The following CSMD3 variants were observed in gnomAD, a reference collection of about 807,000 sequenced individuals.
CSMD3 encodes CUB and sushi domain-containing protein 3.
Under a neutral mutation model 435.2 loss-of-function variants are expected in CSMD3, and 177 were observed. The ratio of observed to expected loss-of-function variants is 0.41; its 90% CI spans 0.36 to 0.46. The LOEUF is 0.46. Among genes scored for constraint, CSMD3 ranks in the 20% least tolerant of loss-of-function variants. The pLI, the probability that CSMD3 is intolerant of heterozygous loss-of-function variation, is 0.34. For synonymous variants in CSMD3, 1,656 were observed against 1,520.5 expected (o/e 1.09, Z -2.07); for missense variants, 4,265 against 4,504.6 (o/e 0.95, Z 1.52).
intron 3 of CSMD3, among the ~76,000 whole-genome samples, chr8:113,231,910 T>C (rs1426174098): frequency 2.0e-5 from 3 of 151,586 alleles, no homozygotes; most frequent in Non-Finnish European, 3.0e-5. Flanking sequence ...TTTACAAATA[T>C]GCATTTTAAG....
chr8:112,485,892 G>A (rs1820076153), intron 31 of CSMD3, among the ~76,000 whole-genome samples: 1 of 151,186 alleles, frequency 6.6e-6, no homozygotes, highest in Admixed American at 6.6e-5. Context: ...TTGTGTTTAG[G>A]CACTTTTGAC....
intron 61 of CSMD3, chr8:112,256,066 C>T (rs1409098667): frequency 6.6e-6 from 1 of 152,174 alleles, no homozygotes; most frequent in Non-Finnish European, 1.5e-5. Context: ...GAAAGATCAA[C>T]GTGACAGGCT....
chr8:113,210,484 C>G (rs2092821333), intron 3 of CSMD3, among the ~76,000 whole-genome samples: 1 of 152,038 alleles, frequency 6.6e-6, no homozygotes, highest in African/African-American at 2.4e-5. Flanking sequence ...GCAACTTTCA[C>G]AAGTAAAAAT....
intron 50 of CSMD3, among the ~76,000 whole-genome samples, chr8:112,309,369 T>C: frequency 6.6e-6 from 1 of 151,856 alleles, no homozygotes; most frequent in Admixed American, 6.6e-5. Flanking sequence ...AAAGCAATCA[T>C]TATGTAACTA....
At chr8:112,978,283 T>C (rs561510585) in intron 6 of CSMD3, among the ~76,000 whole-genome samples, 34 of 152,120 alleles carry the variant, frequency 2.2e-4, no homozygotes, top group African/African-American at 8.2e-4. Flanking sequence ...AAGGGATGGA[T>C]TAAATTATCA....
chr8:112,726,803 A>C (rs1313530344), intron 13 of CSMD3, among the ~76,000 whole-genome samples: 1 of 151,908 alleles, frequency 6.6e-6, no homozygotes, highest in Non-Finnish European at 1.5e-5. Flanking sequence ...ATACGGAAAA[A>C]AGGAAAATTT....
chr8:112,848,481 A>G (rs2080391644), intron 11 of CSMD3, among the ~76,000 whole-genome samples: 1 of 152,136 alleles, frequency 6.6e-6, no homozygotes, highest in African/African-American at 2.4e-5. Flanking sequence ...TACTATGCTT[A>G]TGCTTACACA....
chr8:112,785,568 GATA>G (rs930882139), intron 13 of CSMD3, among the ~76,000 whole-genome samples: 6 of 151,926 alleles, frequency 3.9e-5, no homozygotes, highest in Admixed American at 1.3e-4. Flanking sequence ...AAAGTTTCAG[GATA>G]ATAAAATCAA....
chr8:112,434,039 C>T lies in CSMD3; in HGVS notation c.5396-25007G>A, dbSNP rs968531126. Among the ~76,000 whole-genome samples the T allele has an allele frequency of 3.9e-5, 6 of 152,106 alleles. No individual in the cohort carries two copies. The Middle Eastern group carries it at 0.01, about 259-fold the overall frequency. On this transcript the variant is annotated intron_variant, in intron 32 of 70. Transcript: ENST00000297405. The stretch of plus-strand genomic sequence containing the variant: ...GGGTAGGTTTTCAAATATACTAACT[C>T]CAGAACACATTCATTTGCTTCCAAA...
At chr8:112,994,598 G>T (rs758918196) in intron 6 of CSMD3, among the ~76,000 whole-genome samples, 1 of 151,646 alleles carries the variant, frequency 6.6e-6, no homozygotes, top group Non-Finnish European at 1.5e-5. Flanking sequence ...TTACAGATTA[G>T]ATATAATTAC....
At chr8:113,434,792 G>A (rs2094695173) in intron 1 of CSMD3, among the ~76,000 whole-genome samples, 1 of 152,158 alleles carries the variant, frequency 6.6e-6, no homozygotes, top group Non-Finnish European at 1.5e-5. Flanking sequence ...AATACGGTAG[G>A]TGCGGGCAGC....
chr8:112,524,880 C>T (rs1253822876), intron 27 of CSMD3, among the ~76,000 whole-genome samples: 1 of 151,950 alleles, frequency 6.6e-6, no homozygotes, highest in Admixed American at 6.6e-5. Context: ...TTCTGTTACA[C>T]ATGTTCATTC....
At chr8:112,236,537 C>T (rs1303345480) in intron 67 of CSMD3, among the ~76,000 whole-genome samples, 1 of 151,982 alleles carries the variant, frequency 6.6e-6, no homozygotes, top group Non-Finnish European at 1.5e-5. Context: ...GGTAAGGCTG[C>T]CTAAAACTAA....
chr8:112,354,318 C>G (rs1021369446), intron 38 of CSMD3, among the ~76,000 whole-genome samples: 2 of 152,072 alleles, frequency 1.3e-5, no homozygotes, highest in African/African-American at 4.8e-5. Flanking sequence ...ACCACTTGTA[C>G]TCAACATAAT....
At chr8:112,825,476 G>C (rs941551224) in intron 12 of CSMD3, among the ~76,000 whole-genome samples, 1 of 152,122 alleles carries the variant, frequency 6.6e-6, no homozygotes, top group South Asian at 2.1e-4. Context: ...TTCTATCGTT[G>C]TGGCTGCTGA....
chr8:112,971,709 A>C (rs1158188957), intron 7 of CSMD3, among the ~76,000 whole-genome samples: 1 of 152,164 alleles, frequency 6.6e-6, no homozygotes, highest in African/African-American at 2.4e-5. Flanking sequence ...CAGCAAAGTG[A>C]GGTGTGGTGT....
Position 112,369,911 on chromosome 8 carries a change from T to G in CSMD3, c.6136+10441A>C, listed in dbSNP as rs937910316. Among the ~76,000 whole-genome samples the G allele has an allele frequency of 2.1e-5, 3 of 141,364 alleles. No homozygotes were observed. The Admixed American group carries it at 2.2e-4, about 10-fold the overall frequency. The allele number at this position is 141,364 out of a possible 152,430, so 92.7% of individuals were successfully genotyped here. Reference sequence around the variant, plus strand: ...TAAAAATAAATAAAAATTAAATAAATAAATCACAATTTGCTATTGCAAGAA... The same window carrying G: ...TAAAAATAAATAAAAATTAAATAAAGAAATCACAATTTGCTATTGCAAGAA... On this transcript the variant is annotated intron_variant, in intron 38 of 70. Transcript: ENST00000297405.
At chr8:113,024,992 T>A (rs1445944091) in intron 5 of CSMD3, among the ~76,000 whole-genome samples, 1 of 151,796 alleles carries the variant, frequency 6.6e-6, no homozygotes, top group African/African-American at 2.4e-5. Flanking sequence ...TGTCTTTCTG[T>A]CTCTGAGTTG....
chr8:112,513,777 A>G (rs1293820111), intron 28 of CSMD3, among the ~76,000 whole-genome samples: 1 of 152,194 alleles, frequency 6.6e-6, no homozygotes, highest in Non-Finnish European at 1.5e-5. Flanking sequence ...TGCAAAAAAG[A>G]CCAGAATGAT....
Sources: allele counts gnomAD v4.1 joint callset (sites outside exome capture counted in the v4.1 genomes callset), GRCh38; gene constraint gnomAD v4.1.1; transcripts MANE v1.5; gene names NCBI Gene and HGNC (gene_info 2026-07-23, HGNC 2026-07-21).